Variants in TIGD6 observed in about 807,000 individuals in gnomAD.
TIGD6 encodes tigger transposable element-derived protein 6.
A neutral mutation model predicts 2.6 loss-of-function variants in TIGD6; 1 was observed. The observed-to-expected ratio is 0.39, with a 90% CI of 0.14 to 1.85. TIGD6 has a LOEUF of 1.85. Among genes scored for constraint, TIGD6 ranks in the 40% most tolerant of loss-of-function variants. The pLI is 0.32. For synonymous variants in TIGD6, 193 were observed against 221.9 expected, an observed-to-expected ratio of 0.87 and a Z score of 1.16; for missense variants, 601 against 634.2, an observed-to-expected ratio of 0.95 and a Z score of 0.56.
At position 149,994,934 on chromosome 5, in the gene TIGD6, C is replaced by T. The variant is rs772617969; in HGVS notation, c.1415G>A (p.Ser472Asn). The part of the protein sequence containing the change: ...PKVTITEAIS[S>N]VQKLRQFLST... ...AAGGAACTGTCTAAGTTTCTGTACA[C>T]TTGATATGGCTTCTGTGATGGTGAC... Residue 472 changes from serine (S) to asparagine (N), a missense_variant, in exon 2 of 2, where the codon AGT becomes AAT. Physicochemically the swap from Ser to Asn is conservative, Grantham distance 46. Transcript: ENST00000296736. 10 of 1,612,660 alleles carry T rather than the reference C, an allele frequency of 6.2e-6. No individual in the cohort carries two copies. Among genetic ancestry groups the T allele is most frequent in the Non-Finnish European group, 8.5e-6 (10 of 1,178,944 alleles).
In TIGD6 at chr5:149,995,290, G is replaced by A. The variant is rs199960555; in HGVS notation, c.1059C>T (p.Ile353=). The A allele has an allele frequency of 1.2e-5, 19 of 1,605,006 alleles. No homozygotes were observed. Among genetic ancestry groups the A allele is most frequent in the Admixed American group, 1.7e-5 (1 of 59,062 alleles). The change falls in exon 2 of 2, where the codon ATC becomes ATT. Residue 353 remains isoleucine (I), a synonymous_variant. Coordinates refer to ENST00000296736, the MANE Select transcript of TIGD6 (RefSeq NM_030953.4). ...ACCACCACGCTGCAGCAATCATGTC[G>A]ATGGCCTGCTTGATGTCCACCTCTT... The part of the protein sequence containing the change: ...DQEEVDIKQA[I]DMIAAAWWSV...
rs1268084366 is a variant in TIGD6 at position 149,996,136 on chromosome 5, C to A, written c.213G>T (p.Arg71Ser). ...TATCAATGTCATCATAAAGAGCGCT[C>A]CTCATCCTTTTCCGCTGGGGTCCCA... ...ASVGPQRKRM[R>S]SALYDDIDKA... Residue 71 changes from arginine (R) to serine (S), a missense_variant, in exon 2 of 2, where the codon AGG (arginine) becomes AGT (serine). By Grantham distance (110) the Arg-to-Ser change is moderately radical. Coordinates refer to ENST00000296736, the MANE Select transcript of TIGD6 (RefSeq NM_030953.4). The A allele has an allele frequency of 6.2e-7, 1 of 1,612,346 alleles. No homozygotes were observed. Among genetic ancestry groups the A allele is most frequent in the Non-Finnish European group, 8.5e-7 (1 of 1,180,016 alleles).
At position 149,994,051 on chromosome 5, in the gene TIGD6, A is replaced by G. The variant is rs911885847; in HGVS notation, c.*732T>C. 6.6e-6 allele frequency: 1 copy of G among 152,250 alleles called. No individual in the cohort carries two copies. The allele number at this position is 152,250 out of a possible 1,614,324, so 9.4% of individuals were successfully genotyped here. A position where few individuals can be genotyped will look rare whatever the true frequency, so the allele number is the denominator to read the frequency against. On this transcript the variant is annotated 3_prime_UTR_variant, in exon 2 of 2. Coordinates refer to ENST00000296736, the MANE Select transcript of TIGD6 (RefSeq NM_030953.4). ...TTTTAACAATTAGTGATGGGGGAGT[A>G]TTCAGATGGCCAGCTAAAGAGAGAA...
rs1755363984 is a variant in TIGD6 at position 149,995,596 on chromosome 5, G to C, written c.753C>G (p.Asn251Lys). 1 of 1,614,128 alleles carries C rather than the reference G, an allele frequency of 6.2e-7. No individual in the cohort carries two copies. The highest frequency in any genetic ancestry group is 1.3e-5 in the African/African-American group (1 of 74,938). ...IHSLPCDYRA[N>K]QWAWMTRDLF... ...GATCCCTTGTCATCCAAGCCCACTG[G>C]TTGGCTCGGTAATCACAAGGGAGGG... Residue 251 changes from asparagine (N) to lysine (K), a missense_variant, in exon 2 of 2, where the codon AAC (asparagine) becomes AAG (lysine). Coordinates refer to ENST00000296736, the MANE Select transcript of TIGD6 (RefSeq NM_030953.4).
In TIGD6 at chr5:149,995,963, T is replaced by C; in HGVS notation, c.386A>G (p.Asp129Gly). The C allele has an allele frequency of 6.2e-7, 1 of 1,612,096 alleles. No individual in the cohort carries two copies. Among genetic ancestry groups the C allele is most frequent in the Non-Finnish European group, 8.5e-7 (1 of 1,180,030 alleles). The change falls in exon 2 of 2, where the codon GAT (aspartate) becomes GGT (glycine). Residue 129 changes from aspartate to glycine, a missense_variant. By Grantham distance (94) the Asp-to-Gly change is moderately conservative. Coordinates refer to ENST00000296736, the MANE Select transcript of TIGD6 (RefSeq NM_030953.4). ...TGCTTTCAAAGCAATTCCGTGGCGATCTCTAAATCTGTTCAGCCAGCCCAC... is the reference window on the plus strand; with the variant it reads ...TGCTTTCAAAGCAATTCCGTGGCGACCTCTAAATCTGTTCAGCCAGCCCAC... ...ASVGWLNRFR[D>G]RHGIALKAVC...
At position 149,994,850 on chromosome 5, in the gene TIGD6, T is replaced by C; in HGVS notation, c.1499A>G (p.Tyr500Cys). The C allele has an allele frequency of 6.3e-7, 1 of 1,589,152 alleles. No homozygotes were observed. Residue 500 changes from tyrosine to cysteine, a missense_variant, in exon 2 of 2, where the codon TAT (tyrosine) becomes TGT (cysteine). Transcript: ENST00000296736. Reference protein sequence around the residue: ...IFGQLNGIDEYLMKRVTQTLI... With the variant: ...IFGQLNGIDECLMKRVTQTLI... ...GGTTTGTGTCACTCTTTTCATTAAA[T>C]ATTCATCTATGCCATTTAATTGTCC...
chr5:149,997,552 AC>A (rs1374481350), intron 1 of TIGD6, among the ~76,000 whole-genome samples: 4 of 151,000 alleles, frequency 2.6e-5, no homozygotes, highest in East Asian at 3.9e-4. Context: ...AACAACAACA[AC>A]AACAAAAAAC....
chr5:149,995,022 C>G lies in TIGD6; in HGVS notation c.1327G>C (p.Glu443Gln), dbSNP rs148036193. The change falls in exon 2 of 2, where the codon GAA (glutamate) becomes CAA (glutamine). Residue 443 changes from glutamate (E) to glutamine (Q), a missense_variant. Glu to Gln is a conservative substitution (Grantham distance 29). Coordinates refer to ENST00000296736, the MANE Select transcript of TIGD6 (RefSeq NM_030953.4). The part of the protein sequence containing the change: ...TDIIQDMVAG[E>Q]NTSEAGSEDE... The stretch of plus-strand genomic sequence containing the variant: ...TCACTTCCTGCTTCACTGGTATTTT[C>G]GCCAGCCACCATGTCCTGGATGATG... The G allele has an allele frequency of 2.1e-4, 341 of 1,614,074 alleles. 1 individual carries two copies. The African/African-American group carries it at 4.0e-3, about 19-fold the overall frequency.
At chr5:149,997,621 A>C (rs1755423804) in intron 1 of TIGD6, among the ~76,000 whole-genome samples, 2 of 151,940 alleles carry the variant, frequency 1.3e-5, no homozygotes, top group African/African-American at 2.4e-5. Context: ...AAATATTTGC[A>C]TGAATCCAAG....
chr5:149,995,701 G>A lies in TIGD6; in HGVS notation c.648C>T (p.Cys216=), dbSNP rs1414199334. 4 of 1,614,116 alleles carry A rather than the reference G, an allele frequency of 2.5e-6. No individual in the cohort carries two copies. The highest frequency in any genetic ancestry group is 2.5e-6 in the Non-Finnish European group (3 of 1,180,044). ...TCATTTTTTCAGTCCCCGAGGCATTGCAACAAAAGAGTGCTGTCAACCGCT... is the reference window on the plus strand; with the variant it reads ...TCATTTTTTCAGTCCCCGAGGCATTACAACAAAAGAGTGCTGTCAACCGCT... ...AKQRLTALFC[C]NASGTEKMRP... Residue 216 remains cysteine, a synonymous_variant, in exon 2 of 2, where the codon TGC becomes TGT. Transcript: ENST00000296736.
intron 1 of TIGD6, among the ~76,000 whole-genome samples, chr5:149,998,956 C>T (rs1755465261): frequency 1.3e-5 from 2 of 152,220 alleles, no homozygotes; most frequent in African/African-American, 4.8e-5. Context: ...ATGGGCAGTG[C>T]ACTTCAAAGA....
In TIGD6 at chr5:149,999,368, T is replaced by C. The variant is rs150697168; in HGVS notation, c.-82+1106A>G. Among the ~76,000 whole-genome samples, 311 of 152,248 alleles carry C rather than the reference T, an allele frequency of 2.0e-3. 1 individual carries two copies. The highest frequency in any genetic ancestry group is 7.1e-3 in the African/African-American group (295 of 41,548). On this transcript the variant is annotated intron_variant, in intron 1 of 1. Transcript: ENST00000296736. Reference sequence around the variant, plus strand: ...TTAATTTGAGTGCAATAGGAAGCTATTGAAGGATTTTAAGGAAGGAGAGAT... The same window carrying C: ...TTAATTTGAGTGCAATAGGAAGCTACTGAAGGATTTTAAGGAAGGAGAGAT...
Position 149,995,095 on chromosome 5 carries a change from C to T in TIGD6, c.1254G>A (p.Gln418=), listed in dbSNP as rs372520391. 8 of 1,614,106 alleles carry T rather than the reference C, an allele frequency of 5.0e-6. No individual in the cohort carries two copies. The African/African-American group carries it at 1.1e-4, about 22-fold the overall frequency. ...ATCVPNEVNF[Q]DFVTADDDLI... ...GATCATCATCTGCAGTAACAAAGTC[C>T]TGGAAATTTACTTCATTTGGGACAC... The change falls in exon 2 of 2, where the codon CAG becomes CAA. Residue 418 remains glutamine (Q), a synonymous_variant. Coordinates refer to ENST00000296736, the MANE Select transcript of TIGD6 (RefSeq NM_030953.4).
rs1755379238 is a variant in TIGD6 at position 149,996,092 on chromosome 5, A to C, written c.257T>G (p.Phe86Cys). The C allele has an allele frequency of 6.2e-7, 1 of 1,613,982 alleles. No homozygotes were observed. Among genetic ancestry groups the C allele is most frequent in the Non-Finnish European group, 8.5e-7 (1 of 1,180,038 alleles). The change falls in exon 2 of 2, where the codon TTT becomes TGT. Residue 86 changes from phenylalanine (F) to cysteine (C), a missense_variant. Phe to Cys is a radical substitution (Grantham distance 205). Transcript: ENST00000296736. Reference sequence around the variant, plus strand: ...AATGTTTTTGGCATGGATTTCTTGAAACCAAGCAAAAACAGCCTTATCAAT... The same window carrying C: ...AATGTTTTTGGCATGGATTTCTTGACACCAAGCAAAAACAGCCTTATCAAT... ...DDIDKAVFAW[F>C]QEIHAKNILV...
chr5:150,000,654 C>G lies in TIGD6; in HGVS notation c.-262G>C, dbSNP rs1013795892. ...CTCCCAAGCTAGGGCTGGGCTGTTG[C>G]GCTTGCGCCAGGGGTCGCATGCAGT... On this transcript the variant is annotated 5_prime_UTR_variant, in exon 1 of 2. Transcript: ENST00000296736. 6.5e-6 allele frequency: 1 copy of G among 154,826 alleles called. No individual in the cohort carries two copies. The highest frequency in any genetic ancestry group is 1.5e-5 in the Non-Finnish European group (1 of 68,288). The allele number at this position is 154,826 out of a possible 1,614,324, so 9.6% of individuals were successfully genotyped here.
At position 149,995,431 on chromosome 5, in the gene TIGD6, G is replaced by C. The variant is rs138166953; in HGVS notation, c.918C>G (p.Asn306Lys). The C allele has an allele frequency of 6.3e-4, 1,011 of 1,614,278 alleles. 2 individuals carry two copies. The highest frequency in any genetic ancestry group is 2.3e-3 in the Middle Eastern group (14 of 6,062). The change falls in exon 2 of 2, where the codon AAC becomes AAG. Residue 306 changes from asparagine to lysine, a missense_variant. By Grantham distance (94) the Asn-to-Lys change is moderately conservative. Transcript: ENST00000296736. Reference protein sequence around the residue: ...ERIQVGYLPSNCTAVLQPLNL... With the variant: ...ERIQVGYLPSKCTAVLQPLNL... Reference sequence around the variant, plus strand: ...TCAGTGGCTGCAGGACAGCAGTACAGTTGGAGGGCAGATACCCAACCTGAA... The same window carrying C: ...TCAGTGGCTGCAGGACAGCAGTACACTTGGAGGGCAGATACCCAACCTGAA...
In TIGD6 at chr5:149,994,621, A is replaced by C. The variant is rs1005039374; in HGVS notation, c.*162T>G. On this transcript the variant is annotated 3_prime_UTR_variant, in exon 2 of 2. Coordinates refer to ENST00000296736, the MANE Select transcript of TIGD6 (RefSeq NM_030953.4). The stretch of plus-strand genomic sequence containing the variant: ...GAGACAGCCAAAAACAAAAGAAAAG[A>C]AAACACACATATTAGTCAAATTCCA... 1.7e-5 allele frequency: 11 copies of C among 658,818 alleles called. No individual in the cohort carries two copies. The highest frequency in any genetic ancestry group is 2.6e-5 in the Non-Finnish European group (11 of 431,274). 40.8% of individuals were successfully genotyped at this position (658,818 alleles called of 1,614,324 possible).
At position 149,993,338 on chromosome 5, in the gene TIGD6, C is replaced by G. The variant is rs1335563497; in HGVS notation, c.*1445G>C. The G allele has an allele frequency of 6.6e-6, 1 of 152,078 alleles. No individual in the cohort carries two copies. The highest frequency in any genetic ancestry group is 1.9e-4 in the East Asian group (1 of 5,198). The allele number at this position is 152,078 out of a possible 1,614,324, so 9.4% of individuals were successfully genotyped here. A position where few individuals can be genotyped will look rare whatever the true frequency, so the allele number is the denominator to read the frequency against. ...TTTCTGAAATATCCAAAAAATTAAC[C>G]TGAAGCAGGGGGAAAAATGACATCA... is the stretch of plus-strand genomic sequence containing the variant. On this transcript the variant is annotated 3_prime_UTR_variant, in exon 2 of 2. Transcript: ENST00000296736.
Position 149,994,164 on chromosome 5 carries a change from T to A in TIGD6, c.*619A>T, listed in dbSNP as rs1755322263. The A allele has an allele frequency of 6.6e-6, 1 of 152,270 alleles. No homozygotes were observed. The highest frequency in any genetic ancestry group is 2.4e-5 in the African/African-American group (1 of 41,464). 9.4% of individuals were successfully genotyped at this position (152,270 alleles called of 1,614,324 possible). A position where few individuals can be genotyped will look rare whatever the true frequency, so the allele number is the denominator to read the frequency against. ...AGCTAGACCAGTGGTTTTCAAAGCA[T>A]GGAGCCTGGACTGCATCAGCTGAGA... On this transcript the variant is annotated 3_prime_UTR_variant, in exon 2 of 2. Coordinates refer to ENST00000296736, the MANE Select transcript of TIGD6 (RefSeq NM_030953.4).
Sources: gnomAD v4.1 joint callset for allele counts (sites outside exome capture counted in the v4.1 genomes callset) on GRCh38, gnomAD v4.1.1 for gene constraint, MANE v1.5 for transcripts, NCBI Gene and HGNC (gene_info 2026-07-23, HGNC 2026-07-21) for gene names.